The following ZNF782 variants were observed in gnomAD, a reference collection of about 807,000 sequenced individuals.
ZNF782 encodes the protein zinc finger protein 782.
A neutral mutation model predicts 13.0 loss-of-function variants in ZNF782; 12 were observed. The ratio of observed to expected loss-of-function variants is 0.92; its 90% confidence interval spans 0.59 to 1.50. The LOEUF is 1.50. ZNF782 is among the 40% of genes most tolerant of loss of function. The probability of loss-of-function intolerance (pLI) is 0.00; values close to 1 mark genes in which losing one functional copy is unlikely to be tolerated. For synonymous variants in ZNF782, 284 were observed against 283.0 expected (o/e 1.00, Z -0.04); for missense variants, 770 against 822.9 (o/e 0.94, Z 0.79).
Position 96,819,363 on chromosome 9 carries a change from A to AGAAAAG in ZNF782, c.659_660insCTTTTC (p.Ser220_Arg221insPheSer). 6.2e-7 allele frequency: 1 copy of AGAAAAG among 1,602,240 alleles called. No individual in the cohort carries two copies. Among genetic ancestry groups the AGAAAAG allele is most frequent in the Non-Finnish European group, 8.5e-7 (1 of 1,175,606 alleles). On this transcript the variant is annotated inframe_insertion, in exon 6 of 6. Coordinates refer to ENST00000481138, the MANE Select transcript of ZNF782 (RefSeq NM_001001662.3). Reference sequence around the variant, plus strand: ...CAGCCTTTTCAAGAAAAGCTTTTCTACTTTCATTATATTCAAAATCTTGCC... The same window carrying AGAAAAG: ...CAGCCTTTTCAAGAAAAGCTTTTCTAGAAAAGCTTTCATTATATTCAAAATCTTGCC...
chr9:96,849,731 C>A (rs1588168780), intron 3 of ZNF782, among the ~76,000 whole-genome samples: 1 of 152,076 alleles, frequency 6.6e-6, no homozygotes, highest in African/African-American at 2.4e-5. Context: ...AAACAGCCAA[C>A]CCACAGAATG....
chr9:96,905,412 A>C, the ZNF782 span, among the ~76,000 whole-genome samples: 1 of 151,832 alleles, frequency 6.6e-6, no homozygotes, highest in Non-Finnish European at 1.5e-5. Flanking sequence ...TGGTCTAAAA[A>C]AGGGAGGAAC....
chr9:96,911,510 G>GGTTTTTTTTTTTTTTT, the ZNF782 span, among the ~76,000 whole-genome samples: 2 of 109,694 alleles, frequency 1.8e-5, no homozygotes, highest in Non-Finnish European at 1.9e-5. Flanking sequence ...TTTTTTTTTT[G>GGTTTTTTTTTTTTTTT]TTTTTGTTTT....
In ZNF782 at chr9:96,844,978, G is replaced by A. The variant is rs1356895588; in HGVS notation, c.54C>T (p.Ser18=). The A allele has an allele frequency of 3.7e-6, 6 of 1,613,836 alleles. No individual in the cohort carries two copies. The highest frequency in any genetic ancestry group is 1.3e-5 in the African/African-American group (1 of 74,856). Residue 18 remains serine (S), a synonymous_variant, in exon 4 of 6, where the codon AGC becomes AGT. Transcript: ENST00000481138. ...GGCCCATGTGCTGCCACTCCTCCTGGCTGAATTCCACAGTCACGTCCTGGA... is the reference window on the plus strand; with the variant it reads ...GGCCCATGTGCTGCCACTCCTCCTGACTGAATTCCACAGTCACGTCCTGGA... ...VSFQDVTVEF[S]QEEWQHMGPV...
At chr9:96,878,618 A>G (rs983689673), upstream of ZNF782, among the ~76,000 whole-genome samples, 12 of 152,144 alleles carry the variant, frequency 7.9e-5, no homozygotes, top group Admixed American at 7.2e-4. Flanking sequence ...TTATCTGATC[A>G]GGCTATAGAG....
Position 96,865,281 on chromosome 9 carries a change from T to A in ZNF782, c.-456-3678A>T, listed in dbSNP as rs181409586. The stretch of plus-strand genomic sequence containing the variant: ...CCAAATCTCATCTTGAATTCCCACA[T>A]GTTATGGGAGGGACCCAGTGGGAGT... On this transcript the variant is annotated intron_variant, in intron 1 of 5. Transcript: ENST00000498811. Among the ~76,000 whole-genome samples, 677 of 149,622 alleles carry A rather than the reference T, an allele frequency of 4.5e-3. 5 individuals carry two copies. The highest frequency in any genetic ancestry group is 7.5e-3 in the South Asian group (33 of 4,424).
At chr9:96,844,270 T>C (rs1486304911) in intron 4 of ZNF782, among the ~76,000 whole-genome samples, 1 of 152,132 alleles carries the variant, frequency 6.6e-6, no homozygotes, top group African/African-American at 2.4e-5. Context: ...AAAACATATG[T>C]TGACACAAAG....
At chr9:96,864,585 G>T (rs991865923) in intron 1 of ZNF782, among the ~76,000 whole-genome samples, 1 of 152,034 alleles carries the variant, frequency 6.6e-6, no homozygotes, top group African/African-American at 2.4e-5. Flanking sequence ...TGTTGACTTA[G>T]CCAGTGGATA....
chr9:96,917,885 G>GGCGC, the ZNF782 span, among the ~76,000 whole-genome samples: 902 of 113,198 alleles, frequency 8.0e-3, 26 homozygotes, highest in East Asian at 0.097. Flanking sequence ...CACCACCCTT[G>GGCGC]GCGTGTGTGT....
At chr9:96,858,059 C>G (rs1564014120), upstream of ZNF782, among the ~76,000 whole-genome samples, 1 of 152,146 alleles carries the variant, frequency 6.6e-6, no homozygotes, top group Non-Finnish European at 1.5e-5. This position sits in a 1 kb window ranked among gnomAD's most constrained non-coding sequence, Gnocchi z 4.4. Context: ...ACATGTCTGG[C>G]CTTTGAAATA....
chr9:96,818,856 T>A lies in ZNF782; in HGVS notation c.1167A>T (p.Thr389=). ...SHLIWPQKSH[T]GEKPYECPEC... ...CAGGACATTCATAGGGTTTCTCCCC[T>A]GTGTGACTTTTCTGAGGCCAAATCA... Residue 389 remains threonine, a synonymous_variant, in exon 6 of 6, where the codon ACA becomes ACT. Transcript: ENST00000481138. 3 of 1,614,184 alleles carry A rather than the reference T, an allele frequency of 1.9e-6. No homozygotes were observed. Among genetic ancestry groups the A allele is most frequent in the Non-Finnish European group, 2.5e-6 (3 of 1,180,012 alleles).
chr9:96,854,911 A>ATT (rs141320656), upstream of ZNF782, among the ~76,000 whole-genome samples: 14 of 151,316 alleles, frequency 9.3e-5, no homozygotes, highest in South Asian at 4.2e-4. Flanking sequence ...TTTTGTAGAA[A>ATT]TTTTTTTTTT....
upstream of ZNF782, among the ~76,000 whole-genome samples, chr9:96,855,457 G>A (rs988933466): frequency 6.6e-6 from 1 of 152,190 alleles, no homozygotes; most frequent in African/African-American, 2.4e-5. Flanking sequence ...TTATTCTTAT[G>A]CCTTTGCATT....
At chr9:96,845,379 C>T (rs1851315889) in intron 3 of ZNF782, among the ~76,000 whole-genome samples, 1 of 152,212 alleles carries the variant, frequency 6.6e-6, no homozygotes, top group Admixed American at 6.5e-5. Context: ...TCCCCTGCCT[C>T]AGCCTCCCAA....
At chr9:96,822,097 G>A (rs568840968) in intron 5 of ZNF782, among the ~76,000 whole-genome samples, 34 of 152,266 alleles carry the variant, frequency 2.2e-4, no homozygotes, top group Admixed American at 6.5e-4. Flanking sequence ...TTAAAAAGCA[G>A]TGTGCCTCAA....
Position 96,818,607 on chromosome 9 carries a change from G to C in ZNF782, c.1416C>G (p.His472Gln). The part of the protein sequence containing the change: ...KSILIVHQRT[H>Q]TGEKPFECNE... ...TACATTCAAAAGGTTTCTCCCCTGT[G>C]TGAGTTCTCTGATGCACTATGAGGA... The change falls in exon 6 of 6, where the codon CAC (histidine) becomes CAG (glutamine). Residue 472 changes from histidine (H) to glutamine (Q), a missense_variant. Coordinates refer to ENST00000481138, the MANE Select transcript of ZNF782 (RefSeq NM_001001662.3). The C allele has an allele frequency of 6.2e-7, 1 of 1,614,174 alleles. No individual in the cohort carries two copies. The highest frequency in any genetic ancestry group is 1.1e-5 in the South Asian group (1 of 91,080).
At chr9:96,884,588 G>C in the ZNF782 span, among the ~76,000 whole-genome samples, 1 of 151,978 alleles carries the variant, frequency 6.6e-6, no homozygotes, top group African/African-American at 2.4e-5. Context: ...AGTGGAGCCA[G>C]TCAGGGAGCT....
chr9:96,878,078 C>T (rs1253974163), upstream of ZNF782, among the ~76,000 whole-genome samples: 3 of 152,206 alleles, frequency 2.0e-5, no homozygotes, highest in African/African-American at 7.2e-5. Context: ...AGCCTAGTTT[C>T]GCTCTTGTTG....
At chr9:96,933,332 G>A in the ZNF782 span, among the ~76,000 whole-genome samples, 96 of 151,494 alleles carry the variant, frequency 6.3e-4, no homozygotes, top group Non-Finnish European at 1.2e-3. Flanking sequence ...GTCAGAGAGG[G>A]TTCTTGGTGT....
Sources: allele counts gnomAD v4.1 joint callset (sites outside exome capture counted in the v4.1 genomes callset), GRCh38; gene constraint gnomAD v4.1.1; non-coding constraint Gnocchi (gnomAD v3.1); transcripts MANE v1.5; gene names NCBI Gene and HGNC (gene_info 2026-07-23, HGNC 2026-07-21).